SRGAP3: variants seen among roughly 807,000 people sequenced by gnomAD.
SRGAP3 encodes the protein SLIT-ROBO Rho GTPase-activating protein 3.
In SRGAP3, 39 loss-of-function variants were observed where a neutral mutation model predicts 121.1. That is an observed-to-expected ratio of 0.32 (90% CI 0.25 to 0.42). SRGAP3 has a LOEUF of 0.42. SRGAP3 is among the 10% of genes least tolerant of loss of function. The pLI, the probability that SRGAP3 is intolerant of heterozygous loss-of-function variation, is 1.00. For missense variants in SRGAP3, 1,213 were observed against 1,470.6 expected (o/e 0.82, Z 2.86); for synonymous variants, 601 against 570.0 (o/e 1.05, Z -0.77).
chr3:9,164,291 T>TATTTATTTATTTATTA (rs1305763521), intron 1 of SRGAP3, among the ~76,000 whole-genome samples: 2 of 150,730 alleles, frequency 1.3e-5, no homozygotes, highest in African/African-American at 2.4e-5. Flanking sequence ...TTTATTTATT[T>TATTTATTTATTTATTA]ATTTATTTAT....
At position 9,286,652 on chromosome 3, in the gene SRGAP3, G is replaced by C. The variant is rs370794724; in HGVS notation, n.442+39358C>G. On this transcript the variant is annotated intron_variant and non_coding_transcript_variant, in intron 3 of 3. Transcript: ENST00000490889. ...GAGTCTCGCTCTGTCGCCCAGGCTG[G>C]AGTGCAGTGGCGCGATCTCGGCTCA... 8.7e-4 allele frequency among the ~76,000 whole-genome samples: 133 copies of C among 152,078 alleles called. 1 individual carries two copies. Among genetic ancestry groups the C allele is most frequent in the African/African-American group, 2.9e-3 (122 of 41,542 alleles).
intron 1 of SRGAP3, among the ~76,000 whole-genome samples, chr3:9,234,575 A>G (rs541282686): frequency 4.6e-5 from 7 of 152,286 alleles, no homozygotes; most frequent in African/African-American, 1.7e-4. Flanking sequence ...CATCCTGCCA[A>G]GCTTGAATCT....
At chr3:9,348,941 G>A (rs2029904282) in intron 1 of SRGAP3, 1 of 959,270 alleles carries the variant, frequency 1.0e-6, no homozygotes, top group Non-Finnish European at 1.7e-6. Flanking sequence ...CTTTTGGAAT[G>A]AAGAAATAGT....
At chr3:9,319,317 C>T (rs1044916365) in intron 3 of SRGAP3, among the ~76,000 whole-genome samples, 7 of 151,818 alleles carry the variant, frequency 4.6e-5, no homozygotes, top group African/African-American at 1.7e-4. Context: ...CAGAGGGAGG[C>T]CTGTCAGTGC....
intron 10 of SRGAP3, among the ~76,000 whole-genome samples, chr3:9,047,176 G>T (rs1945330967): frequency 6.6e-6 from 1 of 151,906 alleles, no homozygotes; most frequent in Non-Finnish European, 1.5e-5. Context: ...TAATCAAAAA[G>T]CAACTCACAC....
rs1453573638 is a variant in SRGAP3, at chr3:9,218,968, CA to C, written c.67+29916del. On this transcript the variant is annotated intron_variant, in intron 1 of 21. Transcript: ENST00000383836. The surrounding 1 kb of genome is among the most constrained non-coding windows in gnomAD (Gnocchi z 5.3). ...GATTACAGGCGTGAGCCACTGCGCC[CA>C]GCCTATTTTATCTTATCTTATTTTA... 2.6e-5 allele frequency among the ~76,000 whole-genome samples: 4 copies of C among 152,080 alleles called. No individual in the cohort carries two copies. Among genetic ancestry groups the C allele is most frequent in the Non-Finnish European group, 5.9e-5 (4 of 68,016 alleles).
In SRGAP3 at chr3:9,345,676, C is replaced by T. The variant is rs531031281; in HGVS notation, n.215-15080G>A. 4.0e-5 allele frequency among the ~76,000 whole-genome samples: 6 copies of T among 149,176 alleles called. No homozygotes were observed. The East Asian group carries it at 1.0e-3, about 25-fold the overall frequency. ...TGGCAGGCACCTGTAATCCCAGCTACCTGGGAGGCTGAGGCAGGAGAATCA... is the reference window on the plus strand; with the variant it reads ...TGGCAGGCACCTGTAATCCCAGCTATCTGGGAGGCTGAGGCAGGAGAATCA... On this transcript the variant is annotated intron_variant and non_coding_transcript_variant, in intron 1 of 3. Coordinates refer to the SRGAP3 transcript ENST00000490889.
chr3:9,001,471 T>C (rs1006983904), intron 18 of SRGAP3, among the ~76,000 whole-genome samples: 6 of 152,032 alleles, frequency 3.9e-5, no homozygotes, highest in Non-Finnish European at 8.8e-5. Context: ...ATCCACTAAA[T>C]GCTATGTTAG....
At chr3:9,224,808 A>G (rs1952931873) in intron 1 of SRGAP3, among the ~76,000 whole-genome samples, 4 of 152,166 alleles carry the variant, frequency 2.6e-5, no homozygotes, top group South Asian at 2.1e-4. Flanking sequence ...AGAACCACAC[A>G]GGGAGGGGCT....
chr3:9,141,692 C>T (rs1949859084), intron 1 of SRGAP3, among the ~76,000 whole-genome samples: 1 of 151,814 alleles, frequency 6.6e-6, no homozygotes, highest in East Asian at 1.9e-4. Flanking sequence ...TTAGATTTTC[C>T]AGGAGGTCAG....
In SRGAP3 at chr3:9,352,181, T is replaced by C. The variant is rs376990890; in HGVS notation, n.214+10659A>G. On this transcript the variant is annotated intron_variant and non_coding_transcript_variant, in intron 1 of 3. Coordinates refer to the SRGAP3 transcript ENST00000490889. ...CCACCCTGCTTAGAGCCCACTTCTG[T>C]TTTACACCTGAAGCTGCATTTCCCC... Among the ~76,000 whole-genome samples, 236 of 152,270 alleles carry C rather than the reference T, an allele frequency of 1.5e-3. 6 individuals are homozygous for C. In the South Asian group the frequency reaches 0.046, roughly 29 times the overall value.
chr3:9,180,661 G>A (rs898510477), intron 1 of SRGAP3, among the ~76,000 whole-genome samples: 19 of 152,204 alleles, frequency 1.2e-4, no homozygotes, highest in African/African-American at 4.3e-4. Context: ...TAAGTCCTAC[G>A]TGTTCTTCAA....
chr3:9,133,752 T>C (rs1222133390), intron 1 of SRGAP3, among the ~76,000 whole-genome samples: 5 of 152,238 alleles, frequency 3.3e-5, no homozygotes, highest in Non-Finnish European at 4.4e-5. Context: ...TCAAGACTGC[T>C]AAACTGCCCT....
chr3:9,154,425 T>G (rs1164843735), intron 1 of SRGAP3, among the ~76,000 whole-genome samples: 1 of 151,870 alleles, frequency 6.6e-6, no homozygotes, highest in African/African-American at 2.4e-5. Context: ...CCAGTCCACC[T>G]CGCCTCCCCC....
In SRGAP3 at chr3:8,990,725, G is replaced by A. The variant is rs1200367695; in HGVS notation, c.2673C>T (p.Ala891=). 2 of 1,612,076 alleles carry A rather than the reference G, an allele frequency of 1.2e-6. No homozygotes were observed. Among genetic ancestry groups the A allele is most frequent in the Non-Finnish European group, 1.7e-6 (2 of 1,179,424 alleles). Residue 891 remains alanine (A), a synonymous_variant, in exon 21 of 22, where the codon GCC becomes GCT. Coordinates refer to ENST00000383836, the MANE Select transcript of SRGAP3 (RefSeq NM_014850.4). ...PSIDTPPRAA[A]CPSSPHKIPL... is the part of the protein sequence containing the mutation. Reference sequence around the variant, plus strand: ...GGATTTTGTGGGGGCTGCTGGGGCAGGCAGCAGCCCGGGGTGGTGTGTCTA... The same window carrying A: ...GGATTTTGTGGGGGCTGCTGGGGCAAGCAGCAGCCCGGGGTGGTGTGTCTA...
intron 1 of SRGAP3, among the ~76,000 whole-genome samples, chr3:9,359,212 G>C (rs778001632): frequency 6.6e-5 from 10 of 152,164 alleles, no homozygotes; most frequent in Non-Finnish European, 1.5e-4. Flanking sequence ...TCTTATAAAA[G>C]GGTCCGTTCA....
At chr3:9,099,448 G>C (rs1157987460) in intron 3 of SRGAP3, among the ~76,000 whole-genome samples, 1 of 152,234 alleles carries the variant, frequency 6.6e-6, no homozygotes, top group East Asian at 1.9e-4. Context: ...AAATGGAATG[G>C]GCTTCAATAC....
At chr3:9,070,202 C>G (rs931591975) in intron 4 of SRGAP3, among the ~76,000 whole-genome samples, 2 of 152,226 alleles carry the variant, frequency 1.3e-5, no homozygotes. Flanking sequence ...CAAACAGAAT[C>G]TGGAAGTTGA....
chr3:9,163,923 C>T (rs898360974), intron 1 of SRGAP3, among the ~76,000 whole-genome samples: 3 of 151,700 alleles, frequency 2.0e-5, no homozygotes, highest in Non-Finnish European at 4.4e-5. Flanking sequence ...ACCCACTATT[C>T]CAGGCACCGT....
Sources: gnomAD v4.1 joint callset for allele counts (sites outside exome capture counted in the v4.1 genomes callset) on GRCh38, gnomAD v4.1.1 for gene constraint, Gnocchi (gnomAD v3.1) non-coding constraint, MANE v1.5 for transcripts, NCBI Gene and HGNC (gene_info 2026-07-23, HGNC 2026-07-21) for gene names.